The following PTPN9 variants were observed in gnomAD, a reference collection of about 807,000 sequenced individuals.
The protein encoded by PTPN9 is tyrosine-protein phosphatase non-receptor type 9.
PTPN9 carries 26 observed loss-of-function variants against 69.8 expected under a neutral mutation model. That is an observed-to-expected ratio of 0.37 (90% CI 0.27 to 0.52). PTPN9 has a LOEUF of 0.52. PTPN9 is among the 20% of genes least tolerant of loss of function. The pLI, the probability that PTPN9 is intolerant of heterozygous loss-of-function variation, is 0.91. For missense variants in PTPN9, 549 were observed against 740.3 expected, an observed-to-expected ratio of 0.74 and a Z score of 3.00; for synonymous variants, 274 against 272.5, an observed-to-expected ratio of 1.01 and a Z score of -0.05.
chr15:75,482,881 G>T (rs1003718184), intron 8 of PTPN9, among the ~76,000 whole-genome samples: 2 of 151,852 alleles, frequency 1.3e-5, no homozygotes, highest in Non-Finnish European at 1.5e-5. Context: ...CATAAACCCG[G>T]GAGATGGAGC....
At chr15:75,470,923 A>AAT in intron 10 of PTPN9, 93 bp from the exon 11 acceptor site, 1 of 1,444,848 alleles carries the variant, frequency 6.9e-7, no homozygotes, top group Non-Finnish European at 9.4e-7. Flanking sequence ...CCCAGGCAGC[A>AAT]ATATCATCTC....
intron 1 of PTPN9, among the ~76,000 whole-genome samples, chr15:75,539,285 T>G (rs2074998152): frequency 6.6e-6 from 1 of 150,628 alleles, no homozygotes; most frequent in South Asian, 2.1e-4. Flanking sequence ...ATTTACTATC[T>G]TCTCTCTGAA....
In PTPN9 at chr15:75,469,785, GCGTTA is replaced by G; in HGVS notation, c.1567+2_1567+6del. ...GCAGACACCAAGAGCTGCATTAGGT[GCGTTA>G]CCTGTCCTGCCAATGCCTGCACTGC... On this transcript the variant is annotated splice_donor_variant and splice_donor_5th_base_variant and intron_variant, in intron 12 of 12. Coordinates refer to ENST00000618819, the MANE Select transcript of PTPN9 (RefSeq NM_002833.4). LOFTEE classifies it high-confidence loss of function. 1 of 1,612,156 alleles carries G rather than the reference GCGTTA, an allele frequency of 6.2e-7. No homozygotes were observed. The highest frequency in any genetic ancestry group is 8.5e-7 in the Non-Finnish European group (1 of 1,179,756).
chr15:75,509,185 C>T (rs2074834319), intron 5 of PTPN9, among the ~76,000 whole-genome samples, 158 bp from the exon 6 acceptor site: 1 of 152,174 alleles, frequency 6.6e-6, no homozygotes, highest in South Asian at 2.1e-4. Flanking sequence ...AGTGGTTAAA[C>T]AAACTGAAGA....
At chr15:75,511,913 G>A (rs989836395) in intron 5 of PTPN9, among the ~76,000 whole-genome samples, 1 of 149,828 alleles carries the variant, frequency 6.7e-6, no homozygotes, top group Non-Finnish European at 1.5e-5. Context: ...AAGCTGGAGT[G>A]TAGTGGCACG....
At position 75,483,350 on chromosome 15, in the gene PTPN9, T is replaced by C. The variant is rs551548778; in HGVS notation, c.1063-3436A>G. 3.9e-5 allele frequency among the ~76,000 whole-genome samples: 6 copies of C among 152,358 alleles called. No individual in the cohort carries two copies. In the South Asian group the frequency reaches 1.2e-3, roughly 32 times the overall value. On this transcript the variant is annotated intron_variant, in intron 8 of 12. Coordinates refer to ENST00000618819, the MANE Select transcript of PTPN9 (RefSeq NM_002833.4). ...AACTGATAAATGAATAAAAGTGGTA[T>C]ATCCATACAATGGAATATTATTTGG...
At chr15:75,563,973 G>T (rs140229026) in intron 1 of PTPN9, among the ~76,000 whole-genome samples, 1 of 152,060 alleles carries the variant, frequency 6.6e-6, no homozygotes, top group Non-Finnish European at 1.5e-5. Context: ...ACACTGTGTG[G>T]TGATTATCAG....
chr15:75,546,767 T>C (rs2075035082), intron 1 of PTPN9, among the ~76,000 whole-genome samples: 1 of 151,938 alleles, frequency 6.6e-6, no homozygotes, highest in African/African-American at 2.4e-5. Flanking sequence ...CATCCTAAAA[T>C]GATAAGAGAA....
chr15:75,550,985 G>A (rs899014500), intron 1 of PTPN9, among the ~76,000 whole-genome samples: 7 of 152,126 alleles, frequency 4.6e-5, no homozygotes, highest in Admixed American at 1.3e-4. Context: ...TGGAAGGAGA[G>A]AGACAAACAG....
chr15:75,572,384 C>T (rs1055655990), intron 1 of PTPN9, among the ~76,000 whole-genome samples: 5 of 151,886 alleles, frequency 3.3e-5, no homozygotes, highest in Admixed American at 3.3e-4. Flanking sequence ...TAGAAATTGT[C>T]CTTCACACTG....
At chr15:75,527,874 GA>G (rs1000350227) in intron 1 of PTPN9, among the ~76,000 whole-genome samples, 7 of 149,988 alleles carry the variant, frequency 4.7e-5, no homozygotes, top group African/African-American at 7.4e-5. Context: ...AAGAAAGAAA[GA>G]AAAAAAAAGA....
intron 1 of PTPN9, among the ~76,000 whole-genome samples, chr15:75,547,286 C>T (rs1229495372): frequency 8.8e-6 from 1 of 113,654 alleles, no homozygotes; most frequent in Non-Finnish European, 1.7e-5. Context: ...CAGAGCAAGA[C>T]TCTGTCTCAA....
chr15:75,577,133 T>C (rs1056595956), intron 1 of PTPN9, among the ~76,000 whole-genome samples: 1 of 152,222 alleles, frequency 6.6e-6, no homozygotes, highest in African/African-American at 2.4e-5. Context: ...TGTATATATG[T>C]GTATGCACTA....
At chr15:75,486,739 A>G (rs1314242728) in intron 8 of PTPN9, among the ~76,000 whole-genome samples, 1 of 151,706 alleles carries the variant, frequency 6.6e-6, no homozygotes, top group African/African-American at 2.4e-5. Context: ...AAGTGTTTTC[A>G]CCACAAAACA....
At chr15:75,528,189 A>T (rs921345304) in intron 1 of PTPN9, among the ~76,000 whole-genome samples, 2 of 152,124 alleles carry the variant, frequency 1.3e-5, no homozygotes, top group Non-Finnish European at 2.9e-5. Flanking sequence ...GGTTTTGGAA[A>T]GGGGAGGAAA....
chr15:75,572,339 A>G (rs1372621390), intron 1 of PTPN9, among the ~76,000 whole-genome samples: 1 of 152,052 alleles, frequency 6.6e-6, no homozygotes, highest in Non-Finnish European at 1.5e-5. Context: ...TCAAAACACA[A>G]TAACATAATG....
intron 1 of PTPN9, among the ~76,000 whole-genome samples, chr15:75,577,345 T>C (rs1166254743): frequency 1.3e-5 from 2 of 152,206 alleles, no homozygotes; most frequent in Non-Finnish European, 2.9e-5. Flanking sequence ...CAACACATCC[T>C]ATCTTAGTAC....
At chr15:75,473,579 C>T (rs1315158436) in intron 10 of PTPN9, 110 bp downstream of exon 10, 11 of 951,130 alleles carry the variant, frequency 1.2e-5, no homozygotes, top group Middle Eastern at 4.5e-4. Context: ...CGTGAGCCAC[C>T]GTGCCAGGCT....
chr15:75,559,385 G>A (rs577702174), intron 1 of PTPN9, among the ~76,000 whole-genome samples: 1 of 152,292 alleles, frequency 6.6e-6, no homozygotes, highest in African/African-American at 2.4e-5. Context: ...TGTCTGTGTA[G>A]AAAGAAGTAG....
Sources: allele counts gnomAD v4.1 joint callset (sites outside exome capture counted in the v4.1 genomes callset), GRCh38; gene constraint gnomAD v4.1.1; transcripts MANE v1.5; gene names NCBI Gene and HGNC (gene_info 2026-07-23, HGNC 2026-07-21).